FRMD4A: variants seen among roughly 807,000 people sequenced by gnomAD.
FRMD4A encodes the protein FERM domain containing 4A.
FRMD4A carries 29 observed loss-of-function variants against 129.1 expected under a neutral mutation model. The ratio of observed to expected loss-of-function variants is 0.22; its 90% CI spans 0.17 to 0.31. FRMD4A has a LOEUF of 0.31. Among genes scored for constraint, FRMD4A ranks in the 10% least tolerant of loss-of-function variants. The pLI is 1.00. For missense variants in FRMD4A, 1,272 were observed against 1,375.8 expected (o/e 0.92, Z 1.19); for synonymous variants, 634 against 571.6 (o/e 1.11, Z -1.56).
intron 3 of FRMD4A, among the ~76,000 whole-genome samples, chr10:13,848,437 G>A (rs879322616): frequency 6.6e-6 from 1 of 151,864 alleles, no homozygotes; most frequent in Admixed American, 6.6e-5. Context: ...TGGCATCAAA[G>A]GGACAAGGAG....
intron 8 of FRMD4A, among the ~76,000 whole-genome samples, chr10:13,748,133 C>T (rs1206964776): frequency 6.6e-6 from 1 of 152,094 alleles, no homozygotes; most frequent in Non-Finnish European, 1.5e-5. Context: ...CAGCCCTCAG[C>T]AGGAATTTGG....
intron 8 of FRMD4A, among the ~76,000 whole-genome samples, chr10:13,752,520 C>A (rs528704405): frequency 6.6e-6 from 1 of 152,248 alleles, no homozygotes; most frequent in South Asian, 2.1e-4. Flanking sequence ...AAACTTGGGA[C>A]GAACAGAATA....
At chr10:13,716,235 G>A (rs1166757734) in intron 12 of FRMD4A, among the ~76,000 whole-genome samples, 1 of 152,134 alleles carries the variant, frequency 6.6e-6, no homozygotes, top group Non-Finnish European at 1.5e-5. Context: ...TCCGTCCACT[G>A]CAATCTTGAC....
At chr10:14,199,859 A>G (rs1193287046) in intron 2 of FRMD4A, among the ~76,000 whole-genome samples, 1 of 141,540 alleles carries the variant, frequency 7.1e-6, no homozygotes, top group Non-Finnish European at 1.6e-5. Flanking sequence ...AAAGACATGA[A>G]TAATTTTAAA....
At position 14,317,643 on chromosome 10, in the gene FRMD4A, T is replaced by C. The variant is rs1564461024; in HGVS notation, c.45+12415A>G. Among the ~76,000 whole-genome samples, 8 of 148,506 alleles carry C rather than the reference T, an allele frequency of 5.4e-5. No homozygotes were observed. The South Asian group carries it at 1.5e-3, about 27-fold the overall frequency. ...GACTGAGACCCTCTTAAAATCTTTT[T>C]ACAAAGAGAAGGAATGGAAAGAGAA... On this transcript the variant is annotated intron_variant, in intron 2 of 24. Transcript: ENST00000357447.
chr10:14,088,776 A>G (rs1836452641), intron 2 of FRMD4A, among the ~76,000 whole-genome samples: 1 of 102,834 alleles, frequency 9.7e-6, no homozygotes, highest in African/African-American at 4.6e-5. Flanking sequence ...ACAGAGCAAG[A>G]CTCTGTCTCA....
At chr10:13,696,212 G>A (rs936665417) in intron 14 of FRMD4A, among the ~76,000 whole-genome samples, 1 of 152,210 alleles carries the variant, frequency 6.6e-6, no homozygotes, top group African/African-American at 2.4e-5. Context: ...GGAAGGAAAA[G>A]GGCTTTTTAT....
intron 2 of FRMD4A, among the ~76,000 whole-genome samples, chr10:13,887,506 C>T (rs1052698909): frequency 2.6e-5 from 4 of 152,024 alleles, no homozygotes; most frequent in Admixed American, 6.6e-5. Context: ...TGGTGAAACC[C>T]CGTCTCTACT....
At chr10:14,051,817 G>A (rs577501005) in intron 2 of FRMD4A, among the ~76,000 whole-genome samples, 7 of 152,364 alleles carry the variant, frequency 4.6e-5, no homozygotes, top group African/African-American at 1.7e-4. Flanking sequence ...CAGGGCAGGA[G>A]GAGATCGCAG....
At chr10:13,727,352 C>T (rs535648257) in intron 12 of FRMD4A, among the ~76,000 whole-genome samples, 2 of 152,286 alleles carry the variant, frequency 1.3e-5, no homozygotes, top group African/African-American at 2.4e-5. Context: ...CTCCCGGAAT[C>T]GTCTCAGCTA....
intron 2 of FRMD4A, among the ~76,000 whole-genome samples, chr10:14,173,486 G>A (rs967741747): frequency 1.3e-5 from 2 of 152,098 alleles, no homozygotes; most frequent in African/African-American, 4.8e-5. Context: ...CTATTTTTCC[G>A]AGAACACACT....
In FRMD4A at chr10:13,762,764, C is replaced by T. The variant is rs374064087; in HGVS notation, c.385-84G>A. ...TTTATTTTAAATGACAGCTCTTCTT[C>T]GGGAGGATTACTTGAGCCCTGGAGT... On this transcript the variant is annotated intron_variant, in intron 6 of 24. Transcript: ENST00000357447. 30 of 820,260 alleles carry T rather than the reference C, an allele frequency of 3.7e-5. 1 individual carries two copies. The highest frequency in any genetic ancestry group is 1.7e-4 in the African/African-American group (10 of 58,952). 50.8% of individuals were successfully genotyped at this position (820,260 alleles called of 1,614,324 possible).
chr10:13,952,907 A>G (rs12260456), intron 2 of FRMD4A, among the ~76,000 whole-genome samples: 50,436 of 151,654 alleles, frequency 0.33, 8,601 homozygotes, highest in Non-Finnish European at 0.36. Context: ...TGTTGTCCAG[A>G]CTGGTCTATA....
chr10:13,682,893 T>C (rs2084739022), intron 15 of FRMD4A, among the ~76,000 whole-genome samples: 1 of 152,166 alleles, frequency 6.6e-6, no homozygotes, highest in African/African-American at 2.4e-5. Flanking sequence ...GCCTCTTGCA[T>C]AAAAACTCAA....
chr10:13,991,263 C>T (rs1192577127), intron 2 of FRMD4A, among the ~76,000 whole-genome samples: 1 of 152,252 alleles, frequency 6.6e-6, no homozygotes, highest in East Asian at 1.9e-4. Flanking sequence ...AGGCTTCCAA[C>T]ATCCTGGTGG....
intron 6 of FRMD4A, among the ~76,000 whole-genome samples, chr10:13,765,199 C>T (rs2092244608): frequency 7.0e-6 from 1 of 141,874 alleles, no homozygotes; most frequent in South Asian, 2.2e-4. Flanking sequence ...ACTGCAACTT[C>T]TGTCTCCCGG....
chr10:13,682,582 C>T (rs1005468740), intron 15 of FRMD4A, among the ~76,000 whole-genome samples: 1 of 149,448 alleles, frequency 6.7e-6, no homozygotes, highest in Non-Finnish European at 1.5e-5. Flanking sequence ...CTCACTGCAA[C>T]CTCCACCTCC....
chr10:13,656,580 C>G (rs931871427), intron 22 of FRMD4A, 56 bp downstream of exon 22: 10 of 1,335,880 alleles, frequency 7.5e-6, no homozygotes, highest in Non-Finnish European at 9.6e-6. Context: ...GCCCTTGACA[C>G]CGGCAAGCAG....
At chr10:13,701,961 T>C (rs2086873443) in intron 13 of FRMD4A, among the ~76,000 whole-genome samples, 1 of 152,136 alleles carries the variant, frequency 6.6e-6, no homozygotes, top group African/African-American at 2.4e-5. Flanking sequence ...TCCTTGAAGA[T>C]TTGGTGATCA....
Sources: allele counts gnomAD v4.1 joint callset (sites outside exome capture counted in the v4.1 genomes callset), GRCh38; gene constraint gnomAD v4.1.1; transcripts MANE v1.5; gene names NCBI Gene and HGNC (gene_info 2026-07-23, HGNC 2026-07-21).